IMMP2L: variants seen among roughly 807,000 people sequenced by gnomAD.
The protein encoded by IMMP2L is inner mitochondrial membrane peptidase subunit 2, also known as mitochondrial inner membrane protease subunit 2.
In IMMP2L, 18 loss-of-function variants were observed where a neutral mutation model predicts 19.3. The observed-to-expected ratio is 0.93, with a 90% CI of 0.64 to 1.38. The LOEUF is 1.38. Among genes scored for constraint, IMMP2L ranks in the 40% most tolerant of loss-of-function variants. The pLI, the probability that IMMP2L is intolerant of heterozygous loss-of-function variation, is 0.00. For missense variants in IMMP2L, 233 were observed against 218.2 expected, an observed-to-expected ratio of 1.07 and a Z score of -0.43; for synonymous variants, 76 against 73.0, an observed-to-expected ratio of 1.04 and a Z score of -0.21.
rs1255800916 is a variant in IMMP2L at position 110,967,508 on chromosome 7, T to G, written c.240-3943A>C. Among the ~76,000 whole-genome samples, 3 of 152,050 alleles carry G rather than the reference T, an allele frequency of 2.0e-5. No individual in the cohort carries two copies. In the East Asian group the frequency reaches 5.8e-4, roughly 29 times the overall value. Reference sequence around the variant, plus strand: ...ACTTCCCTCTGTGACTTGGGTAGATTTTTATATTCATATGGTTCAGAATTG... The same window carrying G: ...ACTTCCCTCTGTGACTTGGGTAGATGTTTATATTCATATGGTTCAGAATTG... On this transcript the variant is annotated intron_variant, in intron 3 of 5. Coordinates refer to ENST00000405709, the MANE Select transcript of IMMP2L (RefSeq NM_032549.4).
At chr7:110,947,155 A>G (rs573232805) in intron 4 of IMMP2L, among the ~76,000 whole-genome samples, 1 of 152,294 alleles carries the variant, frequency 6.6e-6, no homozygotes, top group Non-Finnish European at 1.5e-5. Flanking sequence ...AATTTTTTTC[A>G]CCTTTCATAT....
At chr7:110,917,691 G>T (rs1224224490) in intron 4 of IMMP2L, among the ~76,000 whole-genome samples, 1 of 152,056 alleles carries the variant, frequency 6.6e-6, no homozygotes, top group African/African-American at 2.4e-5. Flanking sequence ...TAGGGAGACG[G>T]GAAACAAGGT....
At chr7:111,471,166 T>G (rs1841231720) in intron 3 of IMMP2L, among the ~76,000 whole-genome samples, 1 of 152,052 alleles carries the variant, frequency 6.6e-6, no homozygotes, top group African/African-American at 2.4e-5. Flanking sequence ...AGTAAGTGAC[T>G]TAAGGAATTG....
At chr7:111,390,578 T>C (rs1832248733) in intron 3 of IMMP2L, 2 of 152,170 alleles carry the variant, frequency 1.3e-5, no homozygotes, top group Admixed American at 1.3e-4. Flanking sequence ...TACCTTCTCA[T>C]GCGGTGTGAC....
chr7:111,549,432 T>A (rs563386159), intron 1 of IMMP2L, among the ~76,000 whole-genome samples: 1 of 152,190 alleles, frequency 6.6e-6, no homozygotes, highest in Non-Finnish European at 1.5e-5. Flanking sequence ...TGAATAAAGA[T>A]CTTACATATC....
At chr7:111,275,919 A>C (rs997977714) in intron 3 of IMMP2L, among the ~76,000 whole-genome samples, 1 of 152,106 alleles carries the variant, frequency 6.6e-6, no homozygotes, top group Non-Finnish European at 1.5e-5. Context: ...GAATCCATTG[A>C]TCAATTCTAA....
intron 5 of IMMP2L, among the ~76,000 whole-genome samples, chr7:110,770,754 G>A (rs1798978946): frequency 6.6e-6 from 1 of 152,188 alleles, no homozygotes; most frequent in Non-Finnish European, 1.5e-5. Flanking sequence ...AAGTCTTCCT[G>A]AAGGCACTGG....
chr7:111,195,137 T>C (rs1254186010), intron 3 of IMMP2L, among the ~76,000 whole-genome samples: 1 of 152,118 alleles, frequency 6.6e-6, no homozygotes, highest in Non-Finnish European at 1.5e-5. Context: ...CAGGAAGTAA[T>C]AGATTTTTGG....
chr7:111,531,096 C>A (rs764796245), intron 1 of IMMP2L, among the ~76,000 whole-genome samples: 1 of 151,714 alleles, frequency 6.6e-6, no homozygotes, highest in African/African-American at 2.4e-5. Flanking sequence ...GGACTACAGG[C>A]GCCCACCACC....
chr7:110,834,730 G>A (rs1322888913), intron 5 of IMMP2L, among the ~76,000 whole-genome samples: 1 of 152,198 alleles, frequency 6.6e-6, no homozygotes, highest in African/African-American at 2.4e-5. Context: ...AAGTATGAAA[G>A]TAGACTAAGA....
At chr7:110,812,934 A>G (rs1802149769) in intron 5 of IMMP2L, among the ~76,000 whole-genome samples, 4 of 152,064 alleles carry the variant, frequency 2.6e-5, no homozygotes, top group Admixed American at 2.6e-4. Flanking sequence ...ATATACATAC[A>G]TTCACACAAC....
Position 110,758,467 on chromosome 7 carries a change from G to C in IMMP2L, c.409-94746C>G, listed in dbSNP as rs969407589. On this transcript the variant is annotated intron_variant, in intron 5 of 5. Coordinates refer to ENST00000405709, the MANE Select transcript of IMMP2L (RefSeq NM_032549.4). This position sits in a 1 kb window ranked among gnomAD's most constrained non-coding sequence, Gnocchi z 4.6. ...AGGATAATATTGATGACTCAGGAGA[G>C]AGCATAAGAATTGCTAAAGCCATGT... 6.6e-6 allele frequency among the ~76,000 whole-genome samples: 1 copy of C among 152,096 alleles called. No homozygotes were observed. Among genetic ancestry groups the C allele is most frequent in the Non-Finnish European group, 1.5e-5 (1 of 68,012 alleles).
intron 3 of IMMP2L, among the ~76,000 whole-genome samples, chr7:111,172,103 A>C (rs1253315229): frequency 1.3e-5 from 2 of 151,494 alleles, no homozygotes; most frequent in African/African-American, 4.8e-5. Flanking sequence ...ATGTATAGTC[A>C]AGACTACATT....
chr7:111,108,136 TTGGAGACAAA>T (rs879894843), intron 3 of IMMP2L, among the ~76,000 whole-genome samples: 3,233 of 152,236 alleles, frequency 0.021, 123 homozygotes, highest in African/African-American at 0.074. Flanking sequence ...CAGTCTGGGT[TTGGAGACAAA>T]AACCTCACAG....
intron 5 of IMMP2L, among the ~76,000 whole-genome samples, chr7:110,879,302 C>A (rs939355174): frequency 1.3e-4 from 20 of 151,610 alleles, no homozygotes; most frequent in African/African-American, 4.8e-4. Flanking sequence ...GTAGGAGAAT[C>A]ACTTGAACCC....
At chr7:111,438,373 T>TA (rs897192530) in intron 3 of IMMP2L, among the ~76,000 whole-genome samples, 2 of 151,808 alleles carry the variant, frequency 1.3e-5, no homozygotes, top group South Asian at 2.1e-4. Context: ...TCTTTTTTAT[T>TA]AAAAAAAGAA....
intron 3 of IMMP2L, among the ~76,000 whole-genome samples, chr7:111,088,574 A>G (rs1796553066): frequency 6.6e-6 from 1 of 152,178 alleles, no homozygotes; most frequent in African/African-American, 2.4e-5. Flanking sequence ...AATATGGTGG[A>G]AAAAACCTGG....
chr7:111,409,009 A>G (rs1358090218), intron 3 of IMMP2L, among the ~76,000 whole-genome samples: 1 of 151,746 alleles, frequency 6.6e-6, no homozygotes, highest in Non-Finnish European at 1.5e-5. Flanking sequence ...GATAAAAAGT[A>G]CCATTTGTAA....
intron 3 of IMMP2L, among the ~76,000 whole-genome samples, chr7:111,304,575 T>C (rs1199373598): frequency 6.6e-6 from 1 of 151,898 alleles, no homozygotes; most frequent in African/African-American, 2.4e-5. Flanking sequence ...ATGTATAGTG[T>C]GTATATAAAA....
Sources: gnomAD v4.1 joint callset for allele counts (sites outside exome capture counted in the v4.1 genomes callset) on GRCh38, gnomAD v4.1.1 for gene constraint, Gnocchi (gnomAD v3.1) non-coding constraint, MANE v1.5 for transcripts, NCBI Gene and HGNC (gene_info 2026-07-23, HGNC 2026-07-21) for gene names.